WAC: variants seen among roughly 807,000 people sequenced by gnomAD.
The protein encoded by WAC is WW domain-containing adapter protein with coiled-coil.
WAC carries 11 observed loss-of-function variants against 79.6 expected under a neutral mutation model. That is an observed-to-expected ratio of 0.14 (90% CI 0.09 to 0.23). The LOEUF is 0.23. Among genes scored for constraint, WAC ranks in the 10% least tolerant of loss-of-function variants. WAC has a pLI of 1.00. For synonymous variants in WAC, 304 were observed against 276.9 expected (o/e 1.10, Z -0.97); for missense variants, 728 against 773.5 (o/e 0.94, Z 0.70).
chr10:28,607,036 T>C (rs1351689731), intron 7 of WAC, among the ~76,000 whole-genome samples: 1 of 152,210 alleles, frequency 6.6e-6, no homozygotes, highest in Non-Finnish European at 1.5e-5. Flanking sequence ...TGAGCATCTT[T>C]TCTTGAATTT....
chr10:28,563,769 TTTTTG>T (rs1240079627), intron 3 of WAC, among the ~76,000 whole-genome samples: 2 of 120,554 alleles, frequency 1.7e-5, no homozygotes, highest in Non-Finnish European at 3.8e-5. Context: ...TTTTTTTTTT[TTTTTG>T]TATTTTTAGT....
intron 7 of WAC, among the ~76,000 whole-genome samples, chr10:28,598,151 A>AT (rs954797777): frequency 6.6e-6 from 1 of 152,182 alleles, no homozygotes; most frequent in African/African-American, 2.4e-5. Context: ...TTTAAATTGA[A>AT]TTGTGTCGGC....
intron 3 of WAC, among the ~76,000 whole-genome samples, chr10:28,579,253 A>C (rs1238488647): frequency 6.6e-6 from 1 of 151,958 alleles, no homozygotes; most frequent in Non-Finnish European, 1.5e-5. Context: ...TGACTGTATA[A>C]ATGGCATTGC....
intron 3 of WAC, among the ~76,000 whole-genome samples, chr10:28,552,869 GTCT>G (rs1428220714): frequency 2.3e-5 from 1 of 44,232 alleles, no homozygotes. Flanking sequence ...TTTTTTTTTT[GTCT>G]TCTTGGGTAA....
chr10:28,617,565 T>A, intron 12 of WAC, 92 bp from the exon 13 acceptor site: 1 of 1,178,240 alleles, frequency 8.5e-7, no homozygotes, highest in Non-Finnish European at 1.1e-6. Context: ...TATTCTCTAA[T>A]CCTAGTATAA....
chr10:28,566,897 A>G (rs1014598517), intron 3 of WAC, among the ~76,000 whole-genome samples: 2 of 147,246 alleles, frequency 1.4e-5, no homozygotes, highest in Non-Finnish European at 3.0e-5. Flanking sequence ...GCAGATTCAG[A>G]TCTTCTTTTA....
chr10:28,607,459 AAC>A (rs1228548611), intron 7 of WAC, among the ~76,000 whole-genome samples: 2 of 152,192 alleles, frequency 1.3e-5, no homozygotes, highest in African/African-American at 4.8e-5. Flanking sequence ...AAATAATTGA[AAC>A]AACAGCTTTC....
chr10:28,565,170 C>T (rs953825384), intron 3 of WAC, among the ~76,000 whole-genome samples: 2 of 152,108 alleles, frequency 1.3e-5, no homozygotes, highest in South Asian at 2.1e-4. Flanking sequence ...CTGTTTTAAC[C>T]GCTGGTTTGA....
intron 3 of WAC, among the ~76,000 whole-genome samples, chr10:28,538,877 A>G (rs1435093333): frequency 1.3e-5 from 2 of 151,322 alleles, no homozygotes; most frequent in South Asian, 2.1e-4. Flanking sequence ...AAAAAAAAAA[A>G]AAAAAAAGAA....
intron 4 of WAC, chr10:28,588,832 A>C (rs1405076087): frequency 6.6e-6 from 1 of 152,162 alleles, no homozygotes; most frequent in Non-Finnish European, 1.5e-5. Context: ...AGTAATTTGC[A>C]TATCATCTCA....
chr10:28,616,362 G>GGTAT lies in WAC; in HGVS notation c.1746+3_1746+6dup. The GGTAT allele has an allele frequency of 6.2e-7, 1 of 1,602,716 alleles. No homozygotes were observed. Among genetic ancestry groups the GGTAT allele is most frequent in the Non-Finnish European group, 8.5e-7 (1 of 1,173,284 alleles). On this transcript the variant is annotated frameshift_variant and splice_region_variant. Transcript: ENST00000354911. LOFTEE classifies it high-confidence loss of function. ...GGCCTGCAGATCATGCAGAGAAGCA[G>GGTAT]GTATGTTATGTACAGCCTAGATTTT...
intron 3 of WAC, among the ~76,000 whole-genome samples, chr10:28,547,158 G>T (rs2807760): frequency 0.58 from 87,598 of 151,978 alleles, 25,803 homozygotes; most frequent in East Asian, 0.67. Flanking sequence ...TGGCAGATGG[G>T]ATTATTTTAT....
intron 4 of WAC, among the ~76,000 whole-genome samples, chr10:28,586,579 G>C (rs1839831930): frequency 6.6e-6 from 1 of 152,128 alleles, no homozygotes; most frequent in Admixed American, 6.5e-5. Context: ...CCAACTACTT[G>C]GAAGGCTGAA....
At chr10:28,540,973 C>A (rs555261816) in intron 3 of WAC, among the ~76,000 whole-genome samples, 1 of 151,898 alleles carries the variant, frequency 6.6e-6, no homozygotes, top group Non-Finnish European at 1.5e-5. Flanking sequence ...ATTTGTCTTA[C>A]GCTTCTCATA....
intron 7 of WAC, among the ~76,000 whole-genome samples, chr10:28,604,627 A>G (rs1275478611): frequency 6.6e-6 from 1 of 152,106 alleles, no homozygotes; most frequent in Non-Finnish European, 1.5e-5. Context: ...CAGCTGAGGC[A>G]GGAGAATCAC....
At position 28,590,716 on chromosome 10, in the gene WAC, T is replaced by A. The variant is rs1840040167; in HGVS notation, c.498-4T>A. 3 of 1,584,496 alleles carry A rather than the reference T, an allele frequency of 1.9e-6. No homozygotes were observed. The highest frequency in any genetic ancestry group is 2.6e-6 in the Non-Finnish European group (3 of 1,167,058). On this transcript the variant is annotated splice_polypyrimidine_tract_variant and splice_region_variant and intron_variant, in intron 5 of 13. Transcript: ENST00000354911. The stretch of plus-strand genomic sequence containing the variant: ...TATATGTTTATCTTTTTTTTTATTT[T>A]TAGAGAACAGAGACAAAAAGAAGCA...
chr10:28,551,245 G>A (rs148850530), intron 3 of WAC, among the ~76,000 whole-genome samples: 102 of 152,160 alleles, frequency 6.7e-4, no homozygotes, highest in Non-Finnish European at 1.2e-3. Flanking sequence ...CTTGAGAATG[G>A]CTAATTGTTT....
At chr10:28,592,283 C>T (rs1840132259) in intron 6 of WAC, among the ~76,000 whole-genome samples, 1 of 152,094 alleles carries the variant, frequency 6.6e-6, no homozygotes, top group Admixed American at 6.6e-5. Flanking sequence ...TTGCACCCAG[C>T]TTGTGGGTTT....
chr10:28,584,234 G>A (rs1839689784), intron 4 of WAC, among the ~76,000 whole-genome samples: 1 of 152,184 alleles, frequency 6.6e-6, no homozygotes, highest in Non-Finnish European at 1.5e-5. Context: ...GAGGAAGATA[G>A]TAAAGTATAA....
Sources: allele counts gnomAD v4.1 joint callset (sites outside exome capture counted in the v4.1 genomes callset), GRCh38; gene constraint gnomAD v4.1.1; transcripts MANE v1.5; gene names NCBI Gene and HGNC (gene_info 2026-07-23, HGNC 2026-07-21).